The following PRKCE variants were observed in gnomAD, a reference collection of about 807,000 sequenced individuals.
PRKCE encodes protein kinase C epsilon, also known as protein kinase C epsilon type.
A neutral mutation model predicts 85.4 loss-of-function variants in PRKCE; 16 were observed. The observed-to-expected ratio is 0.19, with a 90% CI of 0.13 to 0.28. The LOEUF (loss-of-function observed/expected upper bound fraction) is 0.28. Ranked by LOEUF, PRKCE falls within the 10% of genes least tolerant of loss-of-function variation. The probability of loss-of-function intolerance (pLI) is 1.00; values close to 1 mark genes in which losing one functional copy is unlikely to be tolerated. For missense variants in PRKCE, 573 were observed against 975.2 expected (o/e 0.59, Z 5.49); for synonymous variants, 388 against 371.5 (o/e 1.04, Z -0.51).
intron 2 of PRKCE, among the ~76,000 whole-genome samples, chr2:45,935,084 C>CA (rs1558854907): frequency 6.6e-6 from 1 of 151,754 alleles, no homozygotes; most frequent in Non-Finnish European, 1.5e-5. Context: ...CACACACACA[C>CA]ACACACACAT....
chr2:46,129,598 TGAG>T, intron 11 of PRKCE, among the ~76,000 whole-genome samples: 1 of 152,144 alleles, frequency 6.6e-6, no homozygotes, highest in Non-Finnish European at 1.5e-5. Context: ...AGCAAGCTGA[TGAG>T]GAGCCTGTGG....
chr2:46,015,760 C>G (rs113295018), intron 10 of PRKCE, among the ~76,000 whole-genome samples: 46 of 149,888 alleles, frequency 3.1e-4, no homozygotes, highest in African/African-American at 1.1e-3. Context: ...AAAGAGACAG[C>G]TATGTCAGAT....
chr2:45,727,975 A>T (rs1271680591), intron 1 of PRKCE, among the ~76,000 whole-genome samples: 3 of 152,128 alleles, frequency 2.0e-5, no homozygotes, highest in African/African-American at 4.8e-5. Context: ...TTTACAGTAA[A>T]CTCTGGGAAG....
intron 1 of PRKCE, among the ~76,000 whole-genome samples, chr2:45,815,735 G>A (rs1688991253): frequency 1.3e-5 from 2 of 152,190 alleles, no homozygotes; most frequent in Non-Finnish European, 2.9e-5. Flanking sequence ...GAATAACTAG[G>A]GAGGTTGTTG....
chr2:45,976,639 G>A, intron 3 of PRKCE, 51 bp downstream of exon 3: 2 of 1,580,898 alleles, frequency 1.3e-6, no homozygotes, highest in Non-Finnish European at 1.7e-6. Flanking sequence ...GTTACAAGAT[G>A]TCGGGGATGG....
intron 11 of PRKCE, among the ~76,000 whole-genome samples, chr2:46,095,075 G>A (rs1011896964): frequency 1.3e-5 from 2 of 152,170 alleles, no homozygotes; most frequent in African/African-American, 4.8e-5. Flanking sequence ...TCTAGAAAAT[G>A]TATTACTTAT....
intron 11 of PRKCE, among the ~76,000 whole-genome samples, chr2:46,093,349 G>C (rs1367345611): frequency 6.6e-6 from 1 of 151,490 alleles, no homozygotes; most frequent in African/African-American, 2.4e-5. Context: ...TTCAGTCAAA[G>C]ATATACATAC....
intron 2 of PRKCE, among the ~76,000 whole-genome samples, chr2:45,879,551 C>T (rs927563669): frequency 2.0e-5 from 3 of 152,214 alleles, no homozygotes; most frequent in African/African-American, 7.2e-5. Flanking sequence ...AACACATGAC[C>T]TCTGGGGCTT....
intron 10 of PRKCE, among the ~76,000 whole-genome samples, chr2:46,024,430 A>G (rs752538092): frequency 2.0e-5 from 3 of 152,172 alleles, no homozygotes; most frequent in South Asian, 2.1e-4. Context: ...GGCAAAAAGA[A>G]TTCTCTCAGT....
intron 1 of PRKCE, chr2:45,770,853 A>G (rs1685266852): frequency 8.7e-6 from 1 of 114,600 alleles, no homozygotes; most frequent in South Asian, 3.3e-4. Context: ...CAACCAAATC[A>G]AAACAAACAA....
At chr2:45,862,848 C>T (rs112527058) in intron 2 of PRKCE, among the ~76,000 whole-genome samples, 4,102 of 152,290 alleles carry the variant, frequency 0.027, 69 homozygotes, top group Middle Eastern at 0.082. Context: ...GCGCAGGGTG[C>T]CCCTAGGCTC....
At chr2:45,721,100 C>G (rs1159731056) in intron 1 of PRKCE, among the ~76,000 whole-genome samples, 1 of 152,110 alleles carries the variant, frequency 6.6e-6, no homozygotes, top group African/African-American at 2.4e-5. Context: ...CAGCGAGACT[C>G]CATCTCAAAA....
At position 46,184,755 on chromosome 2, in the gene PRKCE, T is replaced by C. The variant is rs1174256639; in HGVS notation, c.2088T>C (p.Asn696=). The C allele has an allele frequency of 1.9e-6, 3 of 1,599,550 alleles. No individual in the cohort carries two copies. The highest frequency in any genetic ancestry group is 2.5e-6 in the Non-Finnish European group (3 of 1,179,936). Residue 696 remains asparagine (N), a synonymous_variant, in exon 15 of 15, where the codon AAT becomes AAC. Transcript: ENST00000306156. The surrounding 1 kb of genome is among the most constrained non-coding windows in gnomAD (Gnocchi z 5.0). ...CACAGAAAACCAAAAGAGACGTCAA[T>C]AATTTTGACCAAGACTTTACCCGGG... ...KPRIKTKRDV[N]NFDQDFTREE...
At chr2:46,074,290 A>C (rs3814371) in intron 10 of PRKCE, among the ~76,000 whole-genome samples, 22,567 of 152,020 alleles carry the variant, frequency 0.15, 2,386 homozygotes, top group East Asian at 0.46. Context: ...AGATTGAAAA[A>C]AGTTGCCTTG....
At chr2:45,678,448 C>G (rs914781894) in intron 1 of PRKCE, among the ~76,000 whole-genome samples, 1 of 152,188 alleles carries the variant, frequency 6.6e-6, no homozygotes, top group Non-Finnish European at 1.5e-5. Context: ...CTGCTGTTGG[C>G]AAACTAAAAA....
chr2:45,972,218 T>C (rs1248076457), intron 2 of PRKCE, among the ~76,000 whole-genome samples: 5 of 152,160 alleles, frequency 3.3e-5, no homozygotes, highest in African/African-American at 9.7e-5. Context: ...ATTAGTGATG[T>C]AGAACATCTT....
intron 2 of PRKCE, among the ~76,000 whole-genome samples, chr2:45,950,703 G>C (rs937793442): frequency 1.3e-5 from 2 of 152,128 alleles, no homozygotes; most frequent in African/African-American, 4.8e-5. Flanking sequence ...GGCAAAGCGA[G>C]AGATGGATAT....
rs953642914 is a variant in PRKCE at position 46,041,716 on chromosome 2, G to A, written c.1437+31199G>A. ...TCCTTGTGAATACCTCTCCATATGCGTCATGACAAAATACTGTATAGATCA... is the reference window on the plus strand; with the variant it reads ...TCCTTGTGAATACCTCTCCATATGCATCATGACAAAATACTGTATAGATCA... On this transcript the variant is annotated intron_variant, in intron 10 of 14. Transcript: ENST00000306156. This position sits in a 1 kb window ranked among gnomAD's most constrained non-coding sequence, Gnocchi z 5.5. Among the ~76,000 whole-genome samples, 1 of 152,124 alleles carries A rather than the reference G, an allele frequency of 6.6e-6. No individual in the cohort carries two copies. The highest frequency in any genetic ancestry group is 1.5e-5 in the Non-Finnish European group (1 of 68,028).
At chr2:45,865,543 T>C (rs1444875237) in intron 2 of PRKCE, among the ~76,000 whole-genome samples, 1 of 152,198 alleles carries the variant, frequency 6.6e-6, no homozygotes, top group Admixed American at 6.5e-5. Flanking sequence ...GTTGTGCATG[T>C]GATAGTATTA....
Sources: gnomAD v4.1 joint callset for allele counts (sites outside exome capture counted in the v4.1 genomes callset) on GRCh38, gnomAD v4.1.1 for gene constraint, Gnocchi (gnomAD v3.1) non-coding constraint, MANE v1.5 for transcripts, NCBI Gene and HGNC (gene_info 2026-07-23, HGNC 2026-07-21) for gene names.